The following ZSWIM6 variants were observed in gnomAD, a reference collection of about 807,000 sequenced individuals.
ZSWIM6 encodes the protein zinc finger SWIM domain-containing protein 6.
In ZSWIM6, 9 loss-of-function variants were observed where a neutral mutation model predicts 113.2. The observed-to-expected ratio is 0.08, with a 90% confidence interval of 0.05 to 0.14. The LOEUF (loss-of-function observed/expected upper bound fraction) is 0.14. Among genes scored for constraint, ZSWIM6 ranks in the 10% least tolerant of loss-of-function variants. The pLI, the probability that ZSWIM6 is intolerant of heterozygous loss-of-function variation, is 1.00. For synonymous variants in ZSWIM6, 611 were observed against 606.5 expected, an observed-to-expected ratio of 1.01 and a Z score of -0.11; for missense variants, 1,162 against 1,552.2, an observed-to-expected ratio of 0.75 and a Z score of 4.22.
chr5:61,483,873 T>G (rs1747945571), intron 2 of ZSWIM6, among the ~76,000 whole-genome samples: 1 of 150,934 alleles, frequency 6.6e-6, no homozygotes. Context: ...CGAGACTCTG[T>G]CTCAAAAATA....
chr5:61,448,734 T>C (rs1432169455), intron 1 of ZSWIM6, among the ~76,000 whole-genome samples: 1 of 152,030 alleles, frequency 6.6e-6, no homozygotes, highest in Admixed American at 6.6e-5. Context: ...TATGGGGGTA[T>C]GATAAGAATA....
intron 9 of ZSWIM6, among the ~76,000 whole-genome samples, chr5:61,535,133 C>A (rs959943445): frequency 6.6e-6 from 1 of 152,124 alleles, no homozygotes; most frequent in African/African-American, 2.4e-5. Context: ...AATCAAGATG[C>A]TCTGATGCCA....
At chr5:61,440,869 G>A (rs969522720) in intron 1 of ZSWIM6, among the ~76,000 whole-genome samples, 4 of 152,176 alleles carry the variant, frequency 2.6e-5, no homozygotes, top group African/African-American at 9.7e-5. Context: ...CAGTCCACTG[G>A]AACAGACAGG....
At chr5:61,354,779 T>C (rs1744864686) in intron 1 of ZSWIM6, among the ~76,000 whole-genome samples, 1 of 152,208 alleles carries the variant, frequency 6.6e-6, no homozygotes, top group South Asian at 2.1e-4. Flanking sequence ...TTAAGGACAG[T>C]TGAGGGAGTT....
At chr5:61,368,329 G>A (rs573054879) in intron 1 of ZSWIM6, among the ~76,000 whole-genome samples, 1 of 152,174 alleles carries the variant, frequency 6.6e-6, no homozygotes, top group South Asian at 2.1e-4. Context: ...TTAAAATTTA[G>A]AAACATTTTA....
In ZSWIM6 at chr5:61,361,466, C is replaced by T. The variant is rs192967918; in HGVS notation, c.676+28518C>T. On this transcript the variant is annotated intron_variant, in intron 1 of 13. Transcript: ENST00000252744. Reference sequence around the variant, plus strand: ...CCTGATTCTGTAACATACTAATTGTCCTGAGCAGTAGTTACCTCTTTTCTA... The same window carrying T: ...CCTGATTCTGTAACATACTAATTGTTCTGAGCAGTAGTTACCTCTTTTCTA... Among the ~76,000 whole-genome samples, 294 of 152,206 alleles carry T rather than the reference C, an allele frequency of 1.9e-3. 1 individual carries two copies. The highest frequency in any genetic ancestry group is 2.7e-3 in the Non-Finnish European group (186 of 68,022).
chr5:61,375,693 C>T (rs1389064693), intron 1 of ZSWIM6: 2 of 1,546,710 alleles, frequency 1.3e-6, no homozygotes, highest in Non-Finnish European at 1.7e-6. Flanking sequence ...CATCTGAGTC[C>T]TTGTCAGAAT....
intron 4 of ZSWIM6, among the ~76,000 whole-genome samples, chr5:61,514,593 A>G (rs1280101566): frequency 6.6e-6 from 1 of 152,118 alleles, no homozygotes; most frequent in Admixed American, 6.6e-5. Context: ...AGGAATGTCA[A>G]ATTTTGCCAA....
rs1006802468 is a variant in ZSWIM6, at chr5:61,374,511, A to G, written c.676+41563A>G. ...CTCTAGTTGAGCCATGAATCACATC[A>G]TTTGTACTTGGTGGAGCAAAATTGC... On this transcript the variant is annotated intron_variant, in intron 1 of 13. Transcript: ENST00000252744. Among the ~76,000 whole-genome samples the G allele has an allele frequency of 4.5e-4, 69 of 152,098 alleles. 1 individual carries two copies. The highest frequency in any genetic ancestry group is 1.2e-4 in the Non-Finnish European group (8 of 68,006).
At chr5:61,479,156 G>A (rs1381914443) in intron 2 of ZSWIM6, among the ~76,000 whole-genome samples, 9 of 150,780 alleles carry the variant, frequency 6.0e-5, no homozygotes, top group Non-Finnish European at 1.2e-4. Flanking sequence ...GGGTGACAGA[G>A]CAGGACTCTG....
intron 1 of ZSWIM6, among the ~76,000 whole-genome samples, chr5:61,470,543 T>A (rs1321882006): frequency 1.3e-5 from 2 of 152,248 alleles, no homozygotes; most frequent in African/African-American, 4.8e-5. Flanking sequence ...CTTTTTCATG[T>A]GACTTTTTCT....
intron 4 of ZSWIM6, among the ~76,000 whole-genome samples, chr5:61,502,315 G>C (rs1025030259): frequency 3.9e-5 from 6 of 152,146 alleles, no homozygotes; most frequent in African/African-American, 7.2e-5. Flanking sequence ...TGCTATCATA[G>C]TTAATTTAAG....
intron 4 of ZSWIM6, among the ~76,000 whole-genome samples, chr5:61,498,707 C>T (rs868022823): frequency 6.6e-6 from 1 of 152,056 alleles, no homozygotes; most frequent in Non-Finnish European, 1.5e-5. Context: ...CATCTTCCAT[C>T]CCAGACTCAA....
Position 61,379,185 on chromosome 5 carries a change from GAAA to G in ZSWIM6, c.676+46259_676+46261del, listed in dbSNP as rs1211778480. ...GGCAATAGGGTAAGATCCTGTCTCT[GAAA>G]AAAAAAAAAAAAAAAAAAAAAGAAT... On this transcript the variant is annotated intron_variant, in intron 1 of 13. Transcript: ENST00000252744. Among the ~76,000 whole-genome samples, 7 of 38,578 alleles carry G rather than the reference GAAA, an allele frequency of 1.8e-4. No homozygotes were observed. In the South Asian group the frequency reaches 3.3e-3, roughly 18 times the overall value. 25.3% of individuals were successfully genotyped at this position (38,578 alleles called of 152,430 possible).
intron 4 of ZSWIM6, among the ~76,000 whole-genome samples, chr5:61,499,972 C>T (rs1452202886): frequency 1.3e-5 from 2 of 152,056 alleles, no homozygotes; most frequent in Non-Finnish European, 2.9e-5. Context: ...CCTCATTTTA[C>T]AGCCAATAAT....
intron 4 of ZSWIM6, among the ~76,000 whole-genome samples, chr5:61,507,186 A>C (rs1748647643): frequency 6.6e-6 from 1 of 152,198 alleles, no homozygotes; most frequent in Non-Finnish European, 1.5e-5. Flanking sequence ...GAGAAGACCA[A>C]TATTTGTCAA....
intron 1 of ZSWIM6, among the ~76,000 whole-genome samples, chr5:61,419,355 A>G (rs1243705568): frequency 6.6e-6 from 1 of 152,210 alleles, no homozygotes; most frequent in Non-Finnish European, 1.5e-5. Context: ...TATCACATCC[A>G]TTACAGTTCT....
rs370007762 is a variant in ZSWIM6, at chr5:61,535,579, G to A, written c.2341G>A (p.Asp781Asn). The change falls in exon 10 of 14, where the codon GAT (aspartate) becomes AAT (asparagine). Residue 781 changes from aspartate to asparagine, a missense_variant. By Grantham distance (23) the Asp-to-Asn change is conservative (BLOSUM62 1). Coordinates refer to ENST00000252744, the MANE Select transcript of ZSWIM6 (RefSeq NM_020928.2). ...KYLFTSLLPHDAELAYKIALR... is the reference protein window; with the variant it reads ...KYLFTSLLPHNAELAYKIALR... ...TCTCTTCACCTCTCTCCTACCTCACGATGCTGAATTGGCATACAAAATTGC... is the reference window on the plus strand; with the variant it reads ...TCTCTTCACCTCTCTCCTACCTCACAATGCTGAATTGGCATACAAAATTGC... 16 of 1,551,134 alleles carry A rather than the reference G, an allele frequency of 1.0e-5. No homozygotes were observed. The highest frequency in any genetic ancestry group is 1.4e-5 in the Non-Finnish European group (16 of 1,146,750).
chr5:61,514,878 C>T (rs966376220), intron 4 of ZSWIM6, among the ~76,000 whole-genome samples: 2 of 152,088 alleles, frequency 1.3e-5, no homozygotes, highest in Non-Finnish European at 2.9e-5. Flanking sequence ...GGTAATAATG[C>T]TGGCCTCATA....
Sources: gnomAD v4.1 joint callset for allele counts (sites outside exome capture counted in the v4.1 genomes callset) on GRCh38, gnomAD v4.1.1 for gene constraint, MANE v1.5 for transcripts, NCBI Gene and HGNC (gene_info 2026-07-23, HGNC 2026-07-21) for gene names.